The following COG3 variants were observed in gnomAD, a reference collection of about 807,000 sequenced individuals.
COG3 encodes the protein conserved oligomeric Golgi complex subunit 3.
COG3 carries 32 observed loss-of-function variants against 114.1 expected under a neutral mutation model. The ratio of observed to expected loss-of-function variants is 0.28; its 90% confidence interval spans 0.21 to 0.38. The LOEUF is 0.38. COG3 is among the 10% of genes least tolerant of loss of function. The pLI is 1.00. For missense variants in COG3, 813 were observed against 973.2 expected, an observed-to-expected ratio of 0.84 and a Z score of 2.19; for synonymous variants, 352 against 365.7, an observed-to-expected ratio of 0.96 and a Z score of 0.43.
At chr13:45,484,540 A>C (rs1462596410) in intron 7 of COG3, among the ~76,000 whole-genome samples, 2 of 151,890 alleles carry the variant, frequency 1.3e-5, no homozygotes, top group Non-Finnish European at 2.9e-5. Context: ...AGCCATAATA[A>C]TATTTAATCT....
At chr13:45,534,069 G>T (rs2137939201) in intron 22 of COG3, among the ~76,000 whole-genome samples, 1 of 152,174 alleles carries the variant, frequency 6.6e-6, no homozygotes, top group Non-Finnish European at 1.5e-5. Context: ...CCCGGCTCTG[G>T]TGTCCCAGTC....
intron 22 of COG3, among the ~76,000 whole-genome samples, chr13:45,533,645 C>T (rs773159795): frequency 2.6e-5 from 4 of 152,238 alleles, no homozygotes; most frequent in Non-Finnish European, 5.9e-5. Context: ...AGTCCCGGTA[C>T]CGTTCCTGCT....
At chr13:45,513,945 A>T (rs2137891479) in intron 16 of COG3, among the ~76,000 whole-genome samples, 1 of 152,268 alleles carries the variant, frequency 6.6e-6, no homozygotes, top group East Asian at 1.9e-4. Flanking sequence ...CAAATCAGAT[A>T]ATATGGTATG....
At chr13:45,498,228 C>T (rs114383978) in intron 13 of COG3, among the ~76,000 whole-genome samples, 2,272 of 151,894 alleles carry the variant, frequency 0.015, 56 homozygotes, top group African/African-American at 0.051. Flanking sequence ...TTCTTATTCT[C>T]GTAAGAATAA....
In COG3 at chr13:45,482,475, T is replaced by A; in HGVS notation, c.717+2T>A. The stretch of plus-strand genomic sequence containing the variant: ...TGTATAACATATATCTCATCTCATG[T>A]AAGTCAGAGTATTTTTGCATGTTTT... On this transcript the variant is annotated splice_donor_variant, in intron 6 of 22. Transcript: ENST00000349995. LOFTEE classifies it high-confidence loss of function. 7.4e-7 allele frequency: 1 copy of A among 1,357,144 alleles called. No homozygotes were observed. The highest frequency in any genetic ancestry group is 1.0e-6 in the Non-Finnish European group (1 of 968,352). The allele number at this position is 1,357,144 out of a possible 1,614,324, so 84.1% of individuals were successfully genotyped here. A position where few individuals can be genotyped will look rare whatever the true frequency, so the allele number is the denominator to read the frequency against.
intron 16 of COG3, among the ~76,000 whole-genome samples, chr13:45,514,143 C>G (rs1871269531): frequency 6.8e-6 from 1 of 147,706 alleles, no homozygotes; most frequent in South Asian, 2.1e-4. Context: ...TCCTCTTGTA[C>G]CACTGTCCTC....
intron 13 of COG3, among the ~76,000 whole-genome samples, 167 bp from the exon 14 acceptor site, chr13:45,503,077 A>T (rs1170179622): frequency 6.6e-6 from 1 of 152,210 alleles, no homozygotes; most frequent in Non-Finnish European, 1.5e-5. Flanking sequence ...TTGGCCAGTT[A>T]CTTGAACAAA....
At chr13:45,482,964 C>T (rs1324420809) in intron 6 of COG3, among the ~76,000 whole-genome samples, 1 of 152,178 alleles carries the variant, frequency 6.6e-6, no homozygotes, top group Non-Finnish European at 1.5e-5. Flanking sequence ...TACATATTAG[C>T]CTTGAAGTCT....
At chr13:45,529,429 A>G (rs1288248991) in intron 20 of COG3, among the ~76,000 whole-genome samples, 1 of 152,008 alleles carries the variant, frequency 6.6e-6, no homozygotes, top group East Asian at 1.9e-4. Flanking sequence ...CTCATTCATT[A>G]TGAAGTAATT....
intron 13 of COG3, among the ~76,000 whole-genome samples, chr13:45,502,960 C>A (rs140577781): frequency 2.4e-4 from 36 of 152,228 alleles, no homozygotes; most frequent in East Asian, 2.1e-3. Flanking sequence ...TTGTATACTG[C>A]ATGATATTCT....
intron 22 of COG3, among the ~76,000 whole-genome samples, chr13:45,534,234 A>G (rs1046233646): frequency 9.2e-5 from 14 of 152,402 alleles, no homozygotes; most frequent in African/African-American, 3.4e-4. Context: ...AACAAGGCAC[A>G]GTGGATTATG....
chr13:45,519,213 T>C, intron 19 of COG3, 119 bp downstream of exon 19: 1 of 1,103,132 alleles, frequency 9.1e-7, no homozygotes, highest in Non-Finnish European at 1.3e-6. Context: ...GTCTTAATGA[T>C]TCTGTCTAGG....
At chr13:45,534,680 A>AG (rs1287008609) in intron 22 of COG3, 22 bp from the exon 23 acceptor site, 1 of 1,538,192 alleles carries the variant, frequency 6.5e-7, no homozygotes, top group African/African-American at 1.4e-5. Context: ...GAACTAACAT[A>AG]GCTCTTAATT....
intron 8 of COG3, among the ~76,000 whole-genome samples, chr13:45,487,856 C>T (rs1424722550): frequency 6.6e-6 from 1 of 152,174 alleles, no homozygotes; most frequent in Non-Finnish European, 1.5e-5. Flanking sequence ...ATAGAGCTGT[C>T]ATACCATCCA....
chr13:45,509,243 T>C (rs1324438625), intron 14 of COG3, among the ~76,000 whole-genome samples: 1 of 152,200 alleles, frequency 6.6e-6, no homozygotes, highest in East Asian at 1.9e-4. Flanking sequence ...TTTCACCACA[T>C]TGGTCAGGAT....
intron 19 of COG3, among the ~76,000 whole-genome samples, chr13:45,521,449 C>T (rs2137909992): frequency 6.6e-6 from 1 of 152,262 alleles, no homozygotes; most frequent in Non-Finnish European, 1.5e-5. Flanking sequence ...CACTGCTGCT[C>T]ACTGAGTTTC....
At chr13:45,524,253 T>A (rs1593750138) in intron 19 of COG3, among the ~76,000 whole-genome samples, 1 of 152,350 alleles carries the variant, frequency 6.6e-6, no homozygotes, top group East Asian at 1.9e-4. Flanking sequence ...GACTGTCTAT[T>A]TTAAAACACG....
At chr13:45,526,157 C>A (rs1464506321) in intron 20 of COG3, among the ~76,000 whole-genome samples, 1 of 116,182 alleles carries the variant, frequency 8.6e-6, no homozygotes, top group African/African-American at 3.3e-5. Flanking sequence ...GGCGTGATCT[C>A]GGCTCACTGC....
chr13:45,532,795 G>A (rs1031169902), intron 22 of COG3, among the ~76,000 whole-genome samples: 1 of 151,802 alleles, frequency 6.6e-6, no homozygotes, highest in African/African-American at 2.4e-5. Context: ...CTGACCGCGT[G>A]ATCCACCCGC....
Sources: allele counts gnomAD v4.1 joint callset (sites outside exome capture counted in the v4.1 genomes callset), GRCh38; gene constraint gnomAD v4.1.1; transcripts MANE v1.5; gene names NCBI Gene and HGNC (gene_info 2026-07-23, HGNC 2026-07-21).